The following DMBT1 variants were observed in gnomAD, a reference collection of about 807,000 sequenced individuals.
The protein encoded by DMBT1 is deleted in malignant brain tumors 1, also known as scavenger receptor cysteine-rich domain-containing protein DMBT1.
In DMBT1, 198 loss-of-function variants were observed where a neutral mutation model predicts 252.9. The ratio of observed to expected loss-of-function variants is 0.78; its 90% CI spans 0.70 to 0.88. DMBT1 has a LOEUF of 0.88. Among genes scored for constraint, DMBT1 ranks in the 40% least tolerant of loss-of-function variants. The probability of loss-of-function intolerance (pLI) is 0.00; values close to 1 mark genes in which losing one functional copy is unlikely to be tolerated. For missense variants in DMBT1, 2,432 were observed against 2,404.7 expected, an observed-to-expected ratio of 1.01 and a Z score of -0.24; for synonymous variants, 990 against 942.7, an observed-to-expected ratio of 1.05 and a Z score of -0.92.
At chr10:122,563,799 T>C (rs2097568049) in intron 1 of DMBT1, among the ~76,000 whole-genome samples, 1 of 152,132 alleles carries the variant, frequency 6.6e-6, no homozygotes. Flanking sequence ...TTCCATGCTG[T>C]GGATGAGCCT....
Position 122,620,231 on chromosome 10 carries a change from TTC to T in DMBT1, c.5246-18_5246-17del, listed in dbSNP as rs945473830. On this transcript the variant is annotated intron_variant, in intron 42 of 55. Transcript: ENST00000338354. ...CCTCCCTCAAGTCTAATTTTGTCCT[TTC>T]TCTTTGTTGCAATTTACAGATACTT... 87 of 1,613,722 alleles carry T rather than the reference TTC, an allele frequency of 5.4e-5. No homozygotes were observed. Among genetic ancestry groups the T allele is most frequent in the Non-Finnish European group, 6.9e-5 (81 of 1,179,660 alleles).
At position 122,637,135 on chromosome 10, in the gene DMBT1, C is replaced by T; in HGVS notation, c.6765C>T (p.Leu2255=). The change falls in exon 54 of 56, where the codon CTC becomes CTT. Residue 2255 remains leucine (L), a synonymous_variant. Transcript: ENST00000338354. ...TCTGTCCTTGTCTATCAGACCTGCT[C>T]TGTCTGCCAAATCACATGCAAGCCA... ...SSPSNDSTNL[L]CLPNHMQASV... is the part of the protein sequence containing the mutation. 2 of 1,613,774 alleles carry T rather than the reference C, an allele frequency of 1.2e-6. No individual in the cohort carries two copies. Among genetic ancestry groups the T allele is most frequent in the Non-Finnish European group, 1.7e-6 (2 of 1,179,790 alleles).
intron 16 of DMBT1, among the ~76,000 whole-genome samples, chr10:122,586,746 C>T (rs915648376): frequency 6.7e-6 from 1 of 148,652 alleles, no homozygotes; most frequent in Non-Finnish European, 1.5e-5. Context: ...TCTTTGCAGG[C>T]TGCATAGGAG....
intron 1 of DMBT1, among the ~76,000 whole-genome samples, chr10:122,564,995 G>A (rs1464013219): frequency 1.3e-5 from 2 of 151,706 alleles, no homozygotes; most frequent in African/African-American, 2.4e-5. Context: ...TGCATTCAAT[G>A]AAAGCTAAAA....
chr10:122,573,793 C>G lies in DMBT1; in HGVS notation c.283+31C>G, dbSNP rs755415245. On this transcript the variant is annotated intron_variant, in intron 6 of 55. Coordinates refer to ENST00000338354, the MANE Select transcript of DMBT1 (RefSeq NM_001377530.1). ...GTCTACTATGGGGGATCCCTGTAGG[C>G]TCATTACCCCCCTGCACCCCTAGGT... 3.7e-6 allele frequency: 6 copies of G among 1,607,822 alleles called. No individual in the cohort carries two copies. The Admixed American group carries it at 1.0e-4, about 27-fold the overall frequency.
At chr10:122,637,337 T>A in intron 54 of DMBT1, 25 bp downstream of exon 54, 1 of 1,571,420 alleles carries the variant, frequency 6.4e-7, no homozygotes, top group Non-Finnish European at 8.6e-7. Context: ...TCCCATTCCA[T>A]TTCCCAGTGC....
chr10:122,593,782 G>T (rs1331770169), intron 21 of DMBT1, among the ~76,000 whole-genome samples, 184 bp downstream of exon 21: 1 of 147,370 alleles, frequency 6.8e-6, no homozygotes, highest in Non-Finnish European at 1.5e-5. Flanking sequence ...CAGGATTGAG[G>T]AGGCCTCTGT....
At chr10:122,628,943 C>T (rs1386150946) in intron 46 of DMBT1, among the ~76,000 whole-genome samples, 1 of 151,852 alleles carries the variant, frequency 6.6e-6, no homozygotes, top group Non-Finnish European at 1.5e-5. Flanking sequence ...AAACCATGGA[C>T]TTATCCCCTT....
chr10:122,643,332 G>A lies in DMBT1; in HGVS notation c.7563G>A (p.Lys2521=), dbSNP rs914086927. The part of the protein sequence containing the change: ...SKRDVGSYQE[K]VDVVLGPIQL... ...GGGATGTGGGCTCCTACCAGGAAAAGGTGGACGTCGTCCTGGGTCCCATCC... is the reference window on the plus strand; with the variant it reads ...GGGATGTGGGCTCCTACCAGGAAAAAGTGGACGTCGTCCTGGGTCCCATCC... The change falls in exon 56 of 56, where the codon AAG becomes AAA. Residue 2521 remains lysine, a synonymous_variant. Transcript: ENST00000338354. 2.5e-6 allele frequency: 4 copies of A among 1,613,846 alleles called. No individual in the cohort carries two copies. The Admixed American group carries it at 5.0e-5, about 20-fold the overall frequency.
intron 18 of DMBT1, among the ~76,000 whole-genome samples, chr10:122,591,197 C>T (rs2097846837): frequency 1.3e-5 from 2 of 148,704 alleles, no homozygotes; most frequent in Non-Finnish European, 3.0e-5. Context: ...CAGATGTGCC[C>T]ATCAGTCCAT....
chr10:122,591,432 T>C (rs1373904842), intron 18 of DMBT1, 47 bp from the exon 19 acceptor site: 1 of 1,554,038 alleles, frequency 6.4e-7, no homozygotes, highest in Non-Finnish European at 8.8e-7. Context: ...TTGGAGCTTT[T>C]CTCCCTCAAC....
rs2097912141 is a variant in DMBT1 at position 122,598,938 on chromosome 10, T to C, written c.3121T>C (p.Ser1041Pro). Residue 1041 changes from serine (S) to proline (P), a missense_variant, in exon 26 of 56, where the codon TCA (serine) becomes CCA (proline). Coordinates refer to ENST00000338354, the MANE Select transcript of DMBT1 (RefSeq NM_001377530.1). ...GCAACTGGGCTGTGGCTGGGCCATG[T>C]CAGCCCCAGGAAATGCCCGGTTTGG... ...CRQLGCGWAM[S>P]APGNARFGQG... 1.2e-6 allele frequency: 2 copies of C among 1,613,694 alleles called. No individual in the cohort carries two copies. The highest frequency in any genetic ancestry group is 3.3e-5 in the Admixed American group (2 of 59,992).
At chr10:122,592,154 A>C in intron 19 of DMBT1, 118 bp from the exon 20 acceptor site, 1 of 1,454,380 alleles carries the variant, frequency 6.9e-7, no homozygotes, top group Admixed American at 1.9e-5. Context: ...AGTCGTATTC[A>C]ATCGTGACTG....
Position 122,585,550 on chromosome 10 carries a change from C to G in DMBT1, c.1459+241C>G, listed in dbSNP as rs28416227. 6.1e-3 allele frequency among the ~76,000 whole-genome samples: 899 copies of G among 148,380 alleles called. 44 individuals carry two copies. Among genetic ancestry groups the G allele is most frequent in the African/African-American group, 0.021 (865 of 41,124 alleles). On this transcript the variant is annotated intron_variant, in intron 15 of 55. Transcript: ENST00000338354. ...CCAAGTGGTCAGGAAACATCCTCAT[C>G]CAGGTGCCAAGGAAAAGCCCTGGAA... is the stretch of plus-strand genomic sequence containing the variant.
At chr10:122,590,929 C>T (rs192761025) in intron 18 of DMBT1, among the ~76,000 whole-genome samples, 69 of 148,288 alleles carry the variant, frequency 4.7e-4, no homozygotes, top group African/African-American at 1.7e-3. Context: ...GCAATTTCAG[C>T]TAAAGCCTTA....
intron 19 of DMBT1, among the ~76,000 whole-genome samples, 183 bp downstream of exon 19, chr10:122,591,700 T>C (rs1468247711): frequency 6.8e-6 from 1 of 147,888 alleles, no homozygotes; most frequent in Non-Finnish European, 1.5e-5. Flanking sequence ...GGGTGGAGGG[T>C]GTTGGTGACC....
chr10:122,561,430 TAGAG>T (rs72053947), intron 1 of DMBT1, among the ~76,000 whole-genome samples: 33,896 of 152,014 alleles, frequency 0.22, 4,345 homozygotes, highest in Non-Finnish European at 0.3. Flanking sequence ...TGTATGTTCT[TAGAG>T]AGTCAGATGA....
chr10:122,632,930 C>T, intron 51 of DMBT1, 40 bp downstream of exon 51: 1 of 1,612,604 alleles, frequency 6.2e-7, no homozygotes, highest in Non-Finnish European at 8.5e-7. Context: ...GGCAGAGTGG[C>T]CTGGAAATTC....
At chr10:122,633,470 G>A (rs1241094695) in intron 52 of DMBT1, 129 bp downstream of exon 52, 1 of 1,453,312 alleles carries the variant, frequency 6.9e-7, no homozygotes, top group Non-Finnish European at 9.2e-7. Flanking sequence ...AATAAATGGT[G>A]CTTAGAAAGC....
Sources: gnomAD v4.1 joint callset for allele counts (sites outside exome capture counted in the v4.1 genomes callset) on GRCh38, gnomAD v4.1.1 for gene constraint, MANE v1.5 for transcripts, NCBI Gene and HGNC (gene_info 2026-07-23, HGNC 2026-07-21) for gene names.